Variants in OTOP2 observed in about 807,000 individuals in gnomAD.
OTOP2 encodes the protein otopetrin 2.
OTOP2 carries 41 observed loss-of-function variants against 47.4 expected under a neutral mutation model. That is an observed-to-expected ratio of 0.87 (90% CI 0.67 to 1.12). The LOEUF is 1.12. Among genes scored for constraint, OTOP2 ranks in the 50% most tolerant of loss-of-function variants. The pLI is 0.00. For missense variants in OTOP2, 721 were observed against 752.2 expected (o/e 0.96, Z 0.49); for synonymous variants, 328 against 319.6 (o/e 1.03, Z -0.28).
In OTOP2 at chr17:74,927,651, CT is replaced by C. The variant is rs1284610572; in HGVS notation, c.510-13del. On this transcript the variant is annotated splice_polypyrimidine_tract_variant and intron_variant, in intron 4 of 6. Transcript: ENST00000331427. ...GTCACAGGCCTCTTTGTCCCCACCC[CT>C]GACCCCAAACAGGTGTGGTCTCATG... 8 of 1,609,284 alleles carry C rather than the reference CT, an allele frequency of 5.0e-6. No homozygotes were observed. Among genetic ancestry groups the C allele is most frequent in the Non-Finnish European group, 6.8e-6 (8 of 1,177,190 alleles).
chr17:74,928,755 C>T (rs1018473047), intron 5 of OTOP2, among the ~76,000 whole-genome samples: 2 of 152,184 alleles, frequency 1.3e-5, no homozygotes, highest in Non-Finnish European at 2.9e-5. Flanking sequence ...AGTCTCCAGT[C>T]CTCATTCTCT....
At chr17:74,925,507 T>C (rs1598590823) in intron 2 of OTOP2, 49 bp from the exon 3 acceptor site, 3 of 1,601,866 alleles carry the variant, frequency 1.9e-6, no homozygotes, top group Middle Eastern at 1.7e-4. Context: ...AGGCCTTCTC[T>C]CCTGCCTCTT....
Position 74,924,746 on chromosome 17 carries a change from C to A in OTOP2, c.114C>A (p.Asn38Lys), listed in dbSNP as rs759936641. 1.2e-6 allele frequency: 2 copies of A among 1,608,566 alleles called. No homozygotes were observed. Among genetic ancestry groups the A allele is most frequent in the African/African-American group, 2.7e-5 (2 of 75,030 alleles). ...TGCTGTCGGTGCTGCTGGCGGTGAA[C>A]GTGCTGCTCCTCGCCTGCACGCTCA... is the stretch of plus-strand genomic sequence containing the variant. ...GRLLSVLLAV[N>K]VLLLACTLIS... Residue 38 changes from asparagine (N) to lysine (K), a missense_variant, in exon 2 of 7, where the codon AAC becomes AAA. Physicochemically the swap from Asn to Lys is moderately conservative, Grantham distance 94 (BLOSUM62 0). Transcript: ENST00000331427. The surrounding 1 kb of genome is among the most constrained non-coding windows in gnomAD (Gnocchi z 7.7).
intron 5 of OTOP2, among the ~76,000 whole-genome samples, chr17:74,929,451 AG>A (rs2039036160): frequency 6.6e-6 from 1 of 152,060 alleles, no homozygotes; most frequent in Non-Finnish European, 1.5e-5. Context: ...TTTGAGACAG[AG>A]TCTTGCTCTG....
intron 6 of OTOP2, among the ~76,000 whole-genome samples, chr17:74,932,819 C>T (rs953562444): frequency 2.6e-5 from 4 of 152,226 alleles, no homozygotes; most frequent in African/African-American, 9.6e-5. Context: ...ACACCTGAAT[C>T]TTCTGAGCTC....
chr17:74,925,774 T>G, intron 3 of OTOP2, 82 bp downstream of exon 3: 1 of 1,579,450 alleles, frequency 6.3e-7, no homozygotes, highest in Non-Finnish European at 8.6e-7. Flanking sequence ...GTCGGAGACC[T>G]GAGCTCCATC....
chr17:74,931,457 G>A (rs1164054747), intron 6 of OTOP2, among the ~76,000 whole-genome samples: 1 of 152,214 alleles, frequency 6.6e-6, no homozygotes, highest in Non-Finnish European at 1.5e-5. Flanking sequence ...GAGAGCTGAT[G>A]TGGAAGGCGG....
chr17:74,930,337 G>A lies in OTOP2; in HGVS notation c.702G>A (p.Gln234=). Residue 234 remains glutamine (Q), a synonymous_variant, in exon 6 of 7, where the codon CAG becomes CAA. Coordinates refer to ENST00000331427, the MANE Select transcript of OTOP2 (RefSeq NM_178160.3). The surrounding 1 kb of genome is among the most constrained non-coding windows in gnomAD (Gnocchi z 4.0). ...DSCLCSTAVC[Q]IFQQGYFYLY... The stretch of plus-strand genomic sequence containing the variant: ...GCCTCTGCAGCACGGCCGTCTGCCA[G>A]ATCTTCCAGCAGGGGTACTTCTACC... 2 of 1,614,180 alleles carry A rather than the reference G, an allele frequency of 1.2e-6. No homozygotes were observed. The highest frequency in any genetic ancestry group is 2.2e-5 in the East Asian group (1 of 44,892).
In OTOP2 at chr17:74,930,485, C is replaced by T. The variant is rs1345731159; in HGVS notation, c.850C>T (p.Leu284Phe). Reference sequence around the variant, plus strand: ...CAGCCACACCCCAACCCCTGTCAGCCTCTTCCGGGAGACCTTTTTTGCTGG... The same window carrying T: ...CAGCCACACCCCAACCCCTGTCAGCTTCTTCCGGGAGACCTTTTTTGCTGG... ...GHSHTPTPVSLFRETFFAGPV... is the reference protein window; with the variant it reads ...GHSHTPTPVSFFRETFFAGPV... The change falls in exon 6 of 7, where the codon CTC becomes TTC. Residue 284 changes from leucine to phenylalanine, a missense_variant. Leu to Phe is a conservative substitution (Grantham distance 22, BLOSUM62 0). Transcript: ENST00000331427. The surrounding 1 kb of genome is among the most constrained non-coding windows in gnomAD (Gnocchi z 4.0). 2.5e-6 allele frequency: 4 copies of T among 1,613,490 alleles called. No individual in the cohort carries two copies. Among genetic ancestry groups the T allele is most frequent in the Non-Finnish European group, 3.4e-6 (4 of 1,179,508 alleles).
Position 74,930,628 on chromosome 17 carries a change from C to T in OTOP2, c.993C>T (p.Phe331=). The change falls in exon 6 of 7, where the codon TTC becomes TTT. Residue 331 remains phenylalanine, a synonymous_variant. Transcript: ENST00000331427. The surrounding 1 kb of genome is among the most constrained non-coding windows in gnomAD (Gnocchi z 4.0). ...AGGCCCTGGTCATCTACTACAGCTT[C>T]AACATTGTCTGCTTGGGACTCACCA... is the stretch of plus-strand genomic sequence containing the variant. ...TRQALVIYYS[F]NIVCLGLTTL... The T allele has an allele frequency of 6.2e-7, 1 of 1,614,056 alleles. No homozygotes were observed. The highest frequency in any genetic ancestry group is 1.1e-5 in the South Asian group (1 of 91,076).
Position 74,930,517 on chromosome 17 carries a change from T to A in OTOP2, c.882T>A (p.Val294=). 1 of 1,613,026 alleles carries A rather than the reference T, an allele frequency of 6.2e-7. No homozygotes were observed. Among genetic ancestry groups the A allele is most frequent in the Non-Finnish European group, 8.5e-7 (1 of 1,179,084 alleles). The change falls in exon 6 of 7, where the codon GTT becomes GTA. Residue 294 remains valine, a synonymous_variant. Transcript: ENST00000331427. This position sits in a 1 kb window ranked among gnomAD's most constrained non-coding sequence, Gnocchi z 4.0. ...GGGAGACCTTTTTTGCTGGCCCGGT[T>A]CTGGGCCTGCTGCTCTTCGTGGTGG... The part of the protein sequence containing the change: ...LFRETFFAGP[V]LGLLLFVVGL...
rs754018959 is a variant in OTOP2 at position 74,930,547 on chromosome 17, G to A, written c.912G>A (p.Leu304=). The change falls in exon 6 of 7, where the codon CTG becomes CTA. Residue 304 remains leucine, a synonymous_variant. Transcript: ENST00000331427. This position sits in a 1 kb window ranked among gnomAD's most constrained non-coding sequence, Gnocchi z 4.0. The stretch of plus-strand genomic sequence containing the variant: ...GCCTGCTGCTCTTCGTGGTGGGGCT[G>A]GCTGTCTTCATCATCTACGAGGTTC... ...VLGLLLFVVG[L]AVFIIYEVQV... 1 of 1,613,296 alleles carries A rather than the reference G, an allele frequency of 6.2e-7. No individual in the cohort carries two copies. Among genetic ancestry groups the A allele is most frequent in the Non-Finnish European group, 8.5e-7 (1 of 1,179,330 alleles).
At chr17:74,931,693 G>A (rs1395969496) in intron 6 of OTOP2, among the ~76,000 whole-genome samples, 4 of 145,194 alleles carry the variant, frequency 2.8e-5, no homozygotes, top group African/African-American at 5.7e-5. Flanking sequence ...AGTGGCTCAC[G>A]CCTGTAATCC....
At chr17:74,929,809 G>A (rs907104584) in intron 5 of OTOP2, among the ~76,000 whole-genome samples, 2 of 152,234 alleles carry the variant, frequency 1.3e-5, no homozygotes, top group Non-Finnish European at 2.9e-5. Context: ...GTGAAGGAGT[G>A]TGCCACGCCC....
Position 74,930,744 on chromosome 17 carries a change from C to T in OTOP2, c.1109C>T (p.Ala370Val), listed in dbSNP as rs763136319. The T allele has an allele frequency of 1.2e-6, 2 of 1,613,990 alleles. No individual in the cohort carries two copies. The highest frequency in any genetic ancestry group is 1.1e-5 in the South Asian group (1 of 91,086). The change falls in exon 6 of 7, where the codon GCC becomes GTC. Residue 370 changes from alanine to valine, a missense_variant. Ala to Val is a moderately conservative substitution (Grantham distance 64). Transcript: ENST00000331427. The surrounding 1 kb of genome is among the most constrained non-coding windows in gnomAD (Gnocchi z 4.0). ...AACCCCACGCGCACTCTGGACGTGG[C>T]CCTGCTGATGGGTGCCGCCCTGGGT... ...HKNPTRTLDV[A>V]LLMGAALGQY...
In OTOP2 at chr17:74,930,566, G is replaced by A. The variant is rs141791573; in HGVS notation, c.931G>A (p.Glu311Lys). ...VVGLAVFIIY[E>K]VQVSGDGSRT... ...GGGGCTGGCTGTCTTCATCATCTAC[G>A]AGGTTCAAGTGAGCGGGGACGGGAG... The change falls in exon 6 of 7, where the codon GAG becomes AAG. Residue 311 changes from glutamate (E) to lysine (K), a missense_variant. Coordinates refer to ENST00000331427, the MANE Select transcript of OTOP2 (RefSeq NM_178160.3). This position sits in a 1 kb window ranked among gnomAD's most constrained non-coding sequence, Gnocchi z 4.0. 138 of 1,613,678 alleles carry A rather than the reference G, an allele frequency of 8.6e-5. No homozygotes were observed. The African/African-American group carries it at 1.2e-3, about 14-fold the overall frequency.
chr17:74,925,481 C>T, intron 2 of OTOP2, 75 bp from the exon 3 acceptor site: 1 of 1,575,824 alleles, frequency 6.3e-7, no homozygotes, highest in Middle Eastern at 1.7e-4. Context: ...TCCTCAGGGC[C>T]TGTCCTCAGC....
chr17:74,926,764 CTTT>C lies in OTOP2; in HGVS notation c.451-449_451-447del, dbSNP rs781655107. 4.8e-5 allele frequency among the ~76,000 whole-genome samples: 7 copies of C among 144,478 alleles called. 1 individual carries two copies. The South Asian group carries it at 1.3e-3, about 27-fold the overall frequency. 94.8% of individuals were successfully genotyped at this position (144,478 alleles called of 152,430 possible). ...TTTTTTTCTTTTTTCTTTTCTTTTCCTTTTTTTTTTTTCGAGATGGAGTCTCAC... is the reference window on the plus strand; with the variant it reads ...TTTTTTTCTTTTTTCTTTTCTTTTCCTTTTTTTTTCGAGATGGAGTCTCAC... On this transcript the variant is annotated intron_variant, in intron 3 of 6. Coordinates refer to ENST00000331427, the MANE Select transcript of OTOP2 (RefSeq NM_178160.3).
Position 74,925,613 on chromosome 17 carries a change from A to G in OTOP2, c.371A>G (p.Tyr124Cys). ...ATCATGGATGTCTTCAAGACCGGCT[A>G]CTACTCCAGTTTCTTTGAGTGCCAG... ...TLIMDVFKTG[Y>C]YSSFFECQSA... Residue 124 changes from tyrosine to cysteine, a missense_variant, in exon 3 of 7, where the codon TAC (tyrosine) becomes TGC (cysteine). Tyr to Cys is a radical substitution (Grantham distance 194). Transcript: ENST00000331427. 1 of 1,614,136 alleles carries G rather than the reference A, an allele frequency of 6.2e-7. No homozygotes were observed. The highest frequency in any genetic ancestry group is 8.5e-7 in the Non-Finnish European group (1 of 1,180,020).
Sources: gnomAD v4.1 joint callset for allele counts (sites outside exome capture counted in the v4.1 genomes callset) on GRCh38, gnomAD v4.1.1 for gene constraint, Gnocchi (gnomAD v3.1) non-coding constraint, MANE v1.5 for transcripts, NCBI Gene and HGNC (gene_info 2026-07-23, HGNC 2026-07-21) for gene names.